The following SFRP5 variants were observed in gnomAD, a reference collection of about 807,000 sequenced individuals.
SFRP5 encodes the protein secreted frizzled related protein 5.
A neutral mutation model predicts 27.0 loss-of-function variants in SFRP5; 22 were observed. That is an observed-to-expected ratio of 0.82 (90% CI 0.58 to 1.17). The LOEUF (loss-of-function observed/expected upper bound fraction) is 1.17, where lower values mean the gene tolerates loss of function less well. Among genes scored for constraint, SFRP5 ranks in the 50% most tolerant of loss-of-function variants. The pLI, the probability that SFRP5 is intolerant of heterozygous loss-of-function variation, is 0.00. For missense variants in SFRP5, 406 were observed against 436.6 expected (o/e 0.93, Z 0.63); for synonymous variants, 171 against 195.0 (o/e 0.88, Z 1.03).
chr10:97,771,001 A>G lies in SFRP5; in HGVS notation c.529+304T>C, dbSNP rs73324696. On this transcript the variant is annotated intron_variant, in intron 1 of 2. Transcript: ENST00000266066. The surrounding 1 kb of genome is among the most constrained non-coding windows in gnomAD (Gnocchi z 5.2). ...GACGTCCCAGGATTGGGGGGACGGC[A>G]TTGGGGGATTCTCAGCAGCTTGGTT... Among the ~76,000 whole-genome samples, 3,514 of 152,088 alleles carry G rather than the reference A, an allele frequency of 0.023. 127 individuals are homozygous for G. Among genetic ancestry groups the G allele is most frequent in the African/African-American group, 0.079 (3,287 of 41,492 alleles).
chr10:97,771,709 A>G lies in SFRP5; in HGVS notation c.125T>C (p.Leu42Pro), dbSNP rs767454501. The G allele has an allele frequency of 3.1e-6, 5 of 1,596,992 alleles. No individual in the cohort carries two copies. Among genetic ancestry groups the G allele is most frequent in the Non-Finnish European group, 4.2e-6 (5 of 1,179,298 alleles). Residue 42 changes from leucine to proline, a missense_variant, in exon 1 of 3, where the codon CTG (leucine) becomes CCG (proline). Physicochemically the swap from Leu to Pro is moderately conservative, Grantham distance 98. Transcript: ENST00000266066. The surrounding 1 kb of genome is among the most constrained non-coding windows in gnomAD (Gnocchi z 5.2). The part of the protein sequence containing the change: ...YDYYGWQAEP[L>P]HGRSYSKPPQ... Reference sequence around the variant, plus strand: ...CGGCTTGGAGTAGGAGCGGCCGTGCAGCGGCTCGGCCTGCCAGCCATAGTA... The same window carrying G: ...CGGCTTGGAGTAGGAGCGGCCGTGCGGCGGCTCGGCCTGCCAGCCATAGTA...
chr10:97,771,424 G>T lies in SFRP5; in HGVS notation c.410C>A (p.Pro137Gln). The T allele has an allele frequency of 6.2e-7, 1 of 1,612,994 alleles. No homozygotes were observed. The highest frequency in any genetic ancestry group is 8.5e-7 in the Non-Finnish European group (1 of 1,179,532). ...GGGGAAGCCGTAGGCCTCCATGAGC[G>T]GCGCGCAGCCGGCGCGCACGGCCTC... ...LCEAVRAGCA[P>Q]LMEAYGFPWP... is the part of the protein sequence containing the mutation. Residue 137 changes from proline to glutamine, a missense_variant, in exon 1 of 3, where the codon CCG (proline) becomes CAG (glutamine). Pro to Gln is a moderately conservative substitution (Grantham distance 76, BLOSUM62 -1). Transcript: ENST00000266066. This position sits in a 1 kb window ranked among gnomAD's most constrained non-coding sequence, Gnocchi z 5.2.
At chr10:97,770,668 G>A (rs1248261013) in intron 1 of SFRP5, among the ~76,000 whole-genome samples, 2 of 152,190 alleles carry the variant, frequency 1.3e-5, no homozygotes, top group Non-Finnish European at 2.9e-5. Flanking sequence ...TCTCTTCAGG[G>A]GCAGAGCCTA....
chr10:97,767,214 A>T lies in SFRP5; in HGVS notation c.*300T>A. On this transcript the variant is annotated 3_prime_UTR_variant, in exon 3 of 3. Transcript: ENST00000266066. ...CCTTCTACTCTGAAACCTCCGCCTC[A>T]GGGTGCCCTGAGCCCCTCCACCTTT... is the stretch of plus-strand genomic sequence containing the variant. The T allele has an allele frequency of 7.1e-6, 2 of 280,664 alleles. No individual in the cohort carries two copies. The highest frequency in any genetic ancestry group is 2.2e-5 in the African/African-American group (1 of 45,790). The allele number at this position is 280,664 out of a possible 1,614,324, so 17.4% of individuals were successfully genotyped here.
At position 97,766,803 on chromosome 10, in the gene SFRP5, C is replaced by G. The variant is rs2049486676; in HGVS notation, c.*711G>C. ...AGTTAAAAAAATTAGAAAACCCAACCCTGCATGTATTGGTTGTCTAGTACC... is the reference window on the plus strand; with the variant it reads ...AGTTAAAAAAATTAGAAAACCCAACGCTGCATGTATTGGTTGTCTAGTACC... On this transcript the variant is annotated 3_prime_UTR_variant, in exon 3 of 3. Coordinates refer to ENST00000266066, the MANE Select transcript of SFRP5 (RefSeq NM_003015.3). The G allele has an allele frequency of 6.6e-6, 1 of 152,106 alleles. No individual in the cohort carries two copies. Among genetic ancestry groups the G allele is most frequent in the Non-Finnish European group, 1.5e-5 (1 of 68,028 alleles). The allele number at this position is 152,106 out of a possible 1,614,324, so 9.4% of individuals were successfully genotyped here.
chr10:97,769,758 AGTGGG>A lies in SFRP5; in HGVS notation c.530-18_530-14del. 1 of 1,604,778 alleles carries A rather than the reference AGTGGG, an allele frequency of 6.2e-7. No homozygotes were observed. Among genetic ancestry groups the A allele is most frequent in the African/African-American group, 1.3e-5 (1 of 74,758 alleles). On this transcript the variant is annotated splice_polypyrimidine_tract_variant and intron_variant, in intron 1 of 2. Coordinates refer to ENST00000266066, the MANE Select transcript of SFRP5 (RefSeq NM_003015.3). ...CAGATCTTGGTCACTGAAGAGAGAA[AGTGGG>A]GTGGGGTTGGGGGACAGTTGGTGAG...
Position 97,767,521 on chromosome 10 carries a change from G to A in SFRP5, c.947C>T (p.Pro316Leu), listed in dbSNP as rs756009116. 21 of 1,602,546 alleles carry A rather than the reference G, an allele frequency of 1.3e-5. No homozygotes were observed. In the Admixed American group the frequency reaches 1.9e-4, roughly 14 times the overall value. Residue 316 changes from proline (P) to leucine (L), a missense_variant, in exon 3 of 3, where the codon CCC (proline) becomes CTC (leucine). Pro to Leu is a moderately conservative substitution (Grantham distance 98). Coordinates refer to ENST00000266066, the MANE Select transcript of SFRP5 (RefSeq NM_003015.3). ...GGCAAGGAGGAGTGCCCTTCAGTGG[G>A]GCTCTGCCGCCCCGTAGAAGAAAGG... Reference protein sequence around the residue: ...YYPFFYGAAEPH With the variant: ...YYPFFYGAAELH
In SFRP5 at chr10:97,767,544, A is replaced by G. The variant is rs1333441662; in HGVS notation, c.924T>C (p.Pro308=). The G allele has an allele frequency of 1.2e-6, 2 of 1,611,452 alleles. No individual in the cohort carries two copies. The highest frequency in any genetic ancestry group is 1.7e-6 in the Non-Finnish European group (2 of 1,178,984). The change falls in exon 3 of 3, where the codon CCT becomes CCC. Residue 308 remains proline (P), a synonymous_variant. Coordinates refer to ENST00000266066, the MANE Select transcript of SFRP5 (RefSeq NM_003015.3). Reference sequence around the variant, plus strand: ...GGGGCTCTGCCGCCCCGTAGAAGAAAGGGTAGTAGAGGGAGCAGGGGTAGG... The same window carrying G: ...GGGGCTCTGCCGCCCCGTAGAAGAAGGGGTAGTAGAGGGAGCAGGGGTAGG... ...MFSYPCSLYY[P]FFYGAAEPH is the part of the protein sequence containing the mutation.
At position 97,771,651 on chromosome 10, in the gene SFRP5, C is replaced by A; in HGVS notation, c.183G>T (p.Pro61=). 6.2e-7 allele frequency: 1 copy of A among 1,604,688 alleles called. No individual in the cohort carries two copies. The highest frequency in any genetic ancestry group is 8.5e-7 in the Non-Finnish European group (1 of 1,179,644). Reference sequence around the variant, plus strand: ...GCTTGTAGCCCACCGTGTGGCAGAGCGGCAGGTCGGCAGGGATGTCAAGGC... The same window carrying A: ...GCTTGTAGCCCACCGTGTGGCAGAGAGGCAGGTCGGCAGGGATGTCAAGGC... ...PQCLDIPADL[P]LCHTVGYKRM... is the part of the protein sequence containing the mutation. Residue 61 remains proline (P), a synonymous_variant, in exon 1 of 3, where the codon CCG becomes CCT. Transcript: ENST00000266066. This position sits in a 1 kb window ranked among gnomAD's most constrained non-coding sequence, Gnocchi z 5.2.
In SFRP5 at chr10:97,767,870, G is replaced by A. The variant is rs1346703384; in HGVS notation, c.608-10C>T. ...ATGCGCATTTTGACCACTGTGGGAAGAAAGGACAGGGGCAAGTTGGGAATG... is the reference window on the plus strand; with the variant it reads ...ATGCGCATTTTGACCACTGTGGGAAAAAAGGACAGGGGCAAGTTGGGAATG... On this transcript the variant is annotated splice_polypyrimidine_tract_variant and intron_variant, in intron 2 of 2. Coordinates refer to ENST00000266066, the MANE Select transcript of SFRP5 (RefSeq NM_003015.3). 1 of 1,516,962 alleles carries A rather than the reference G, an allele frequency of 6.6e-7. No homozygotes were observed. Among genetic ancestry groups the A allele is most frequent in the East Asian group, 2.3e-5 (1 of 44,076 alleles). 94.0% of individuals were successfully genotyped at this position (1,516,962 alleles called of 1,614,324 possible). A position where few individuals can be genotyped will look rare whatever the true frequency, so the allele number is the denominator to read the frequency against.
At position 97,771,720 on chromosome 10, in the gene SFRP5, C is replaced by T. The variant is rs2049518475; in HGVS notation, c.114G>A (p.Gln38=). 2 of 1,596,642 alleles carry T rather than the reference C, an allele frequency of 1.3e-6. No homozygotes were observed. Among genetic ancestry groups the T allele is most frequent in the Non-Finnish European group, 8.5e-7 (1 of 1,179,300 alleles). The part of the protein sequence containing the change: ...RCEEYDYYGW[Q]AEPLHGRSYS... ...AGGAGCGGCCGTGCAGCGGCTCGGC[C>T]TGCCAGCCATAGTAGTCGTACTCCT... Residue 38 remains glutamine, a synonymous_variant, in exon 1 of 3, where the codon CAG becomes CAA. Coordinates refer to ENST00000266066, the MANE Select transcript of SFRP5 (RefSeq NM_003015.3). This position sits in a 1 kb window ranked among gnomAD's most constrained non-coding sequence, Gnocchi z 5.2.
rs202132878 is a variant in SFRP5 at position 97,767,530 on chromosome 10, G to A, written c.938C>T (p.Ala313Val). Reference protein sequence around the residue: ...CSLYYPFFYGAAEPH With the variant: ...CSLYYPFFYGVAEPH Reference sequence around the variant, plus strand: ...GAGTGCCCTTCAGTGGGGCTCTGCCGCCCCGTAGAAGAAAGGGTAGTAGAG... The same window carrying A: ...GAGTGCCCTTCAGTGGGGCTCTGCCACCCCGTAGAAGAAAGGGTAGTAGAG... The change falls in exon 3 of 3, where the codon GCG becomes GTG. Residue 313 changes from alanine (A) to valine (V), a missense_variant. Physicochemically the swap from Ala to Val is moderately conservative, Grantham distance 64 (BLOSUM62 0). Transcript: ENST00000266066. The A allele has an allele frequency of 1.7e-4, 281 of 1,607,836 alleles. 2 individuals carry two copies. Among genetic ancestry groups the A allele is most frequent in the Middle Eastern group, 5.0e-4 (3 of 5,998 alleles).
intron 2 of SFRP5, 107 bp from the exon 3 acceptor site, chr10:97,767,967 T>G (rs540219805): frequency 2.6e-6 from 2 of 759,764 alleles, no homozygotes; most frequent in African/African-American, 3.5e-5. Context: ...GGGAGCCTGA[T>G]GCCCTGCGGG....
chr10:97,769,883 G>A (rs1375742981), intron 1 of SFRP5, 138 bp from the exon 2 acceptor site: 1 of 664,818 alleles, frequency 1.5e-6, no homozygotes, highest in East Asian at 2.7e-5. Context: ...CAGGAGATGG[G>A]ATGATGGCAA....
chr10:97,771,236 G>A lies in SFRP5; in HGVS notation c.529+69C>T. On this transcript the variant is annotated intron_variant, in intron 1 of 2. Coordinates refer to ENST00000266066, the MANE Select transcript of SFRP5 (RefSeq NM_003015.3). The surrounding 1 kb of genome is among the most constrained non-coding windows in gnomAD (Gnocchi z 5.2). ...GGGGGGGAGCTGCACCTCTTGGGGG[G>A]TTCGCAGAGCTGTGCTAGGGGAGCT... The A allele has an allele frequency of 1.0e-6, 1 of 996,240 alleles. No homozygotes were observed. The highest frequency in any genetic ancestry group is 1.7e-5 in the South Asian group (1 of 59,062). 61.7% of individuals were successfully genotyped at this position (996,240 alleles called of 1,614,324 possible). A position where few individuals can be genotyped will look rare whatever the true frequency, so the allele number is the denominator to read the frequency against.
Position 97,771,241 on chromosome 10 carries a change from C to T in SFRP5, c.529+64G>A. 9.2e-7 allele frequency: 1 copy of T among 1,089,186 alleles called. No homozygotes were observed. The highest frequency in any genetic ancestry group is 1.3e-6 in the Non-Finnish European group (1 of 768,332). 67.5% of individuals were successfully genotyped at this position (1,089,186 alleles called of 1,614,324 possible). On this transcript the variant is annotated intron_variant, in intron 1 of 2. Coordinates refer to ENST00000266066, the MANE Select transcript of SFRP5 (RefSeq NM_003015.3). The surrounding 1 kb of genome is among the most constrained non-coding windows in gnomAD (Gnocchi z 5.2). ...GGAGCTGCACCTCTTGGGGGGTTCG[C>T]AGAGCTGTGCTAGGGGAGCTGCAGG...
rs369382802 is a variant in SFRP5 at position 97,770,160 on chromosome 10, C to T, written c.530-415G>A. The stretch of plus-strand genomic sequence containing the variant: ...TCTCAGCTTACTGCAACCTCTGCCT[C>T]CCAGGTTTAAGCGATTCTTCTGTCT... On this transcript the variant is annotated intron_variant, in intron 1 of 2. Coordinates refer to ENST00000266066, the MANE Select transcript of SFRP5 (RefSeq NM_003015.3). Among the ~76,000 whole-genome samples the T allele has an allele frequency of 2.0e-5, 3 of 152,310 alleles. No homozygotes were observed. In the East Asian group the frequency reaches 5.8e-4, roughly 29 times the overall value.
In SFRP5 at chr10:97,767,590, A is replaced by G. The variant is rs774714350; in HGVS notation, c.878T>C (p.Phe293Ser). 10 of 1,613,412 alleles carry G rather than the reference A, an allele frequency of 6.2e-6. No homozygotes were observed. The Admixed American group carries it at 6.7e-5, about 11-fold the overall frequency. The change falls in exon 3 of 3, where the codon TTT (phenylalanine) becomes TCT (serine). Residue 293 changes from phenylalanine (F) to serine (S), a missense_variant. Physicochemically the swap from Phe to Ser is radical, Grantham distance 155. Coordinates refer to ENST00000266066, the MANE Select transcript of SFRP5 (RefSeq NM_003015.3). ...GTAGGAGAACATGAATTTGACTGCAAACTTCATCTCCTTATTCTTCTTGTC... is the reference window on the plus strand; with the variant it reads ...GTAGGAGAACATGAATTTGACTGCAGACTTCATCTCCTTATTCTTCTTGTC... ...RWDKKNKEMK[F>S]AVKFMFSYPC...
Position 97,771,222 on chromosome 10 carries a change from G to C in SFRP5, c.529+83C>G, listed in dbSNP as rs1349077009. The C allele has an allele frequency of 1.3e-6, 1 of 799,136 alleles. No homozygotes were observed. The highest frequency in any genetic ancestry group is 2.0e-6 in the Non-Finnish European group (1 of 510,644). The allele number at this position is 799,136 out of a possible 1,614,324, so 49.5% of individuals were successfully genotyped here. ...TGTGTGTGGGCGGAGGGGGGGAGCTGCACCTCTTGGGGGGTTCGCAGAGCT... is the reference window on the plus strand; with the variant it reads ...TGTGTGTGGGCGGAGGGGGGGAGCTCCACCTCTTGGGGGGTTCGCAGAGCT... On this transcript the variant is annotated intron_variant, in intron 1 of 2. Transcript: ENST00000266066. The surrounding 1 kb of genome is among the most constrained non-coding windows in gnomAD (Gnocchi z 5.2).
Sources: allele counts gnomAD v4.1 joint callset (sites outside exome capture counted in the v4.1 genomes callset), GRCh38; gene constraint gnomAD v4.1.1; non-coding constraint Gnocchi (gnomAD v3.1); transcripts MANE v1.5; gene names NCBI Gene and HGNC (gene_info 2026-07-23, HGNC 2026-07-21).